The following PDE7A variants were observed in gnomAD, a reference collection of about 807,000 sequenced individuals.
PDE7A encodes the protein high affinity 3',5'-cyclic-AMP phosphodiesterase 7A.
In PDE7A, 39 loss-of-function variants were observed where a neutral mutation model predicts 64.3. That is an observed-to-expected ratio of 0.61 (90% CI 0.47 to 0.79). The LOEUF (loss-of-function observed/expected upper bound fraction) is 0.79. PDE7A is among the 30% of genes least tolerant of loss of function. The pLI, the probability that PDE7A is intolerant of heterozygous loss-of-function variation, is 0.00. For synonymous variants in PDE7A, 203 were observed against 206.8 expected (o/e 0.98, Z 0.16); for missense variants, 470 against 582.8 (o/e 0.81, Z 1.99).
chr8:65,831,522 A>G (rs1225361351), intron 1 of PDE7A, among the ~76,000 whole-genome samples: 1 of 152,150 alleles, frequency 6.6e-6, no homozygotes, highest in African/African-American at 2.4e-5. Flanking sequence ...ACCAGCTGTC[A>G]TCAAATAGCT....
chr8:65,841,676 T>C lies in PDE7A; in HGVS notation c.-168A>G, dbSNP rs1253294919. Reference sequence around the variant, plus strand: ...GCTCACGCCTCCCCAACCCCAGCCCTCCGCTCGGGCCGCCGGCGGGAAGGC... The same window carrying C: ...GCTCACGCCTCCCCAACCCCAGCCCCCCGCTCGGGCCGCCGGCGGGAAGGC... On this transcript the variant is annotated 5_prime_UTR_variant, in exon 1 of 13. Coordinates refer to ENST00000401827, the MANE Select transcript of PDE7A (RefSeq NM_001242318.3). 1 of 165,818 alleles carries C rather than the reference T, an allele frequency of 6.0e-6. No homozygotes were observed. The highest frequency in any genetic ancestry group is 1.3e-5 in the Non-Finnish European group (1 of 79,766). The allele number at this position is 165,818 out of a possible 1,614,324, so 10.3% of individuals were successfully genotyped here. A position where few individuals can be genotyped will look rare whatever the true frequency, so the allele number is the denominator to read the frequency against.
chr8:65,725,061 C>T (rs1024382953), intron 9 of PDE7A, 140 bp from the exon 10 acceptor site: 2 of 473,854 alleles, frequency 4.2e-6, no homozygotes, highest in Non-Finnish European at 7.1e-6. Context: ...ATTTATCACA[C>T]AAAAAATGAG....
intron 1 of PDE7A, among the ~76,000 whole-genome samples, chr8:65,824,123 A>G (rs530687250): frequency 6.6e-6 from 1 of 152,214 alleles, no homozygotes; most frequent in Non-Finnish European, 1.5e-5. Flanking sequence ...GTCTACTGGC[A>G]CCATTTTCCC....
At chr8:65,783,514 G>A (rs1809472103) in intron 1 of PDE7A, among the ~76,000 whole-genome samples, 1 of 152,084 alleles carries the variant, frequency 6.6e-6, no homozygotes. Flanking sequence ...TTACCATGCA[G>A]CTTCTAGACA....
At chr8:65,807,677 C>T (rs1810143367) in intron 1 of PDE7A, among the ~76,000 whole-genome samples, 1 of 152,160 alleles carries the variant, frequency 6.6e-6, no homozygotes, top group South Asian at 2.1e-4. Context: ...TGTAGATGCC[C>T]TTTATCAGGT....
At chr8:65,776,318 C>T (rs1809257836) in intron 3 of PDE7A, among the ~76,000 whole-genome samples, 1 of 152,056 alleles carries the variant, frequency 6.6e-6, no homozygotes, top group South Asian at 2.1e-4. Flanking sequence ...ATTCTATTGT[C>T]AGTCCTTGAA....
At chr8:65,818,353 T>C (rs1465973910) in intron 1 of PDE7A, among the ~76,000 whole-genome samples, 1 of 152,216 alleles carries the variant, frequency 6.6e-6, no homozygotes. Flanking sequence ...GTTGCCATTT[T>C]GTTTTTTTGT....
At chr8:65,839,509 C>G (rs1167073848) in intron 1 of PDE7A, among the ~76,000 whole-genome samples, 1 of 151,636 alleles carries the variant, frequency 6.6e-6, no homozygotes, top group Non-Finnish European at 1.5e-5. Flanking sequence ...GTATGTCCAT[C>G]TCTGCATCCA....
chr8:65,827,916 G>C (rs1022955976), intron 1 of PDE7A, among the ~76,000 whole-genome samples: 1 of 152,066 alleles, frequency 6.6e-6, no homozygotes, highest in South Asian at 2.1e-4. Flanking sequence ...CATTTTAACA[G>C]ACTATACCTC....
intron 1 of PDE7A, among the ~76,000 whole-genome samples, chr8:65,804,520 C>G (rs1340021042): frequency 6.7e-6 from 1 of 148,290 alleles, no homozygotes; most frequent in Non-Finnish European, 1.5e-5. Flanking sequence ...TTTGAGAAAG[C>G]TGAAAGTTTC....
intron 1 of PDE7A, among the ~76,000 whole-genome samples, chr8:65,798,557 T>C (rs569062916): frequency 2.6e-5 from 4 of 152,122 alleles, no homozygotes; most frequent in African/African-American, 9.6e-5. Context: ...AATTTAAAAA[T>C]ACAAGCTAAA....
chr8:65,811,431 C>T (rs561966052), intron 1 of PDE7A, among the ~76,000 whole-genome samples: 6 of 152,292 alleles, frequency 3.9e-5, no homozygotes, highest in Admixed American at 3.3e-4. Flanking sequence ...TCCTCCCACC[C>T]GCCCATCTCC....
At chr8:65,761,909 T>A (rs1206665287) in intron 3 of PDE7A, among the ~76,000 whole-genome samples, 1 of 152,196 alleles carries the variant, frequency 6.6e-6, no homozygotes, top group Non-Finnish European at 1.5e-5. Flanking sequence ...TTCCACAGAT[T>A]CTTTTCTATC....
At chr8:65,755,828 G>A (rs968826922) in intron 3 of PDE7A, among the ~76,000 whole-genome samples, 6 of 151,942 alleles carry the variant, frequency 3.9e-5, no homozygotes, top group African/African-American at 7.3e-5. Context: ...TCACTATGTC[G>A]CCTAGGCTGG....
chr8:65,816,578 T>C lies in PDE7A; in HGVS notation c.138+24793A>G, dbSNP rs144177809. On this transcript the variant is annotated intron_variant, in intron 1 of 12. Coordinates refer to ENST00000401827, the MANE Select transcript of PDE7A (RefSeq NM_001242318.3). ...TTCTGTCTTTCTGTAGGAATGTATT[T>C]ATTTCACCTTCATTTTTAAAGGTTA... 5.9e-3 allele frequency among the ~76,000 whole-genome samples: 893 copies of C among 152,344 alleles called. 9 individuals are homozygous for C. The highest frequency in any genetic ancestry group is 0.02 in the African/African-American group (844 of 41,574).
intron 1 of PDE7A, among the ~76,000 whole-genome samples, chr8:65,803,912 G>A (rs909646172): frequency 1.3e-5 from 2 of 152,128 alleles, no homozygotes; most frequent in Non-Finnish European, 2.9e-5. Context: ...GCAGAGGCAA[G>A]GTGTGTGTAT....
intron 1 of PDE7A, among the ~76,000 whole-genome samples, chr8:65,807,929 T>C (rs1190421472): frequency 1.2e-4 from 19 of 152,172 alleles, no homozygotes; most frequent in Admixed American, 1.2e-3. Flanking sequence ...TAAATCTTAT[T>C]GTATACAAGA....
rs1196683660 is a variant in PDE7A at position 65,716,349 on chromosome 8, TACA to T, written c.*2938_*2940del. Among the ~76,000 whole-genome samples, 4 of 152,272 alleles carry T rather than the reference TACA, an allele frequency of 2.6e-5. No individual in the cohort carries two copies. The highest frequency in any genetic ancestry group is 9.6e-5 in the African/African-American group (4 of 41,554). ...GGATCAGAGCAGAAGCAATCATGTA[TACA>T]GGCAGAATGGAGCCCAGGTAAGCTC... On this transcript the variant is annotated 3_prime_UTR_variant, in exon 13 of 13. Transcript: ENST00000401827.
intron 1 of PDE7A, among the ~76,000 whole-genome samples, chr8:65,796,710 A>T (rs1377161530): frequency 6.6e-6 from 1 of 152,174 alleles, no homozygotes; most frequent in Non-Finnish European, 1.5e-5. Context: ...TATAAAGGAC[A>T]TCTATTAAAA....
Sources: gnomAD v4.1 joint callset for allele counts (sites outside exome capture counted in the v4.1 genomes callset) on GRCh38, gnomAD v4.1.1 for gene constraint, MANE v1.5 for transcripts, NCBI Gene and HGNC (gene_info 2026-07-23, HGNC 2026-07-21) for gene names.